INPP5D: variants seen among roughly 807,000 people sequenced by gnomAD.
INPP5D encodes the protein inositol polyphosphate-5-phosphatase D.
In INPP5D, 33 loss-of-function variants were observed where a neutral mutation model predicts 122.9. The ratio of observed to expected loss-of-function variants is 0.27; its 90% CI spans 0.20 to 0.36. The LOEUF is 0.36. Among genes scored for constraint, INPP5D ranks in the 10% least tolerant of loss-of-function variants. INPP5D has a pLI of 1.00. For missense variants in INPP5D, 1,053 were observed against 1,412.7 expected, an observed-to-expected ratio of 0.75 and a Z score of 4.08; for synonymous variants, 584 against 576.2, an observed-to-expected ratio of 1.01 and a Z score of -0.19.
In INPP5D at chr2:233,177,870, C is replaced by T. The variant is rs34408817; in HGVS notation, c.2071+524C>T. On this transcript the variant is annotated intron_variant, in intron 18 of 26. Transcript: ENST00000445964. This position sits in a 1 kb window ranked among gnomAD's most constrained non-coding sequence, Gnocchi z 4.2. The stretch of plus-strand genomic sequence containing the variant: ...GATTACAGGCATGAGCCACCGCGGC[C>T]GACCCGGAGCACTTTTTTAAAAATT... Among the ~76,000 whole-genome samples the T allele has an allele frequency of 0.02, 3,002 of 152,224 alleles. 51 individuals are homozygous for T. The highest frequency in any genetic ancestry group is 0.03 in the Non-Finnish European group (2,032 of 68,022).
intron 18 of INPP5D, among the ~76,000 whole-genome samples, chr2:233,180,990 G>A (rs978020309): frequency 2.6e-5 from 4 of 152,162 alleles, no homozygotes; most frequent in African/African-American, 7.2e-5. Context: ...CCAGTTTTTA[G>A]GCTGATGCCC....
intron 2 of INPP5D, among the ~76,000 whole-genome samples, chr2:233,087,816 A>C (rs1242344566): frequency 6.6e-6 from 1 of 152,144 alleles, no homozygotes; most frequent in Admixed American, 6.5e-5. Context: ...TGTAGTCATC[A>C]ATCTTAAATT....
chr2:233,158,175 G>C (rs760239137), intron 9 of INPP5D, 138 bp from the exon 10 acceptor site: 99 of 592,292 alleles, frequency 1.7e-4, no homozygotes, highest in African/African-American at 9.0e-4. Context: ...GAAGCAGAGG[G>C]AGCTGGGAGA....
In INPP5D at chr2:233,115,192, C is replaced by T. The variant is rs115053137; in HGVS notation, c.199-6915C>T. Among the ~76,000 whole-genome samples, 389 of 152,254 alleles carry T rather than the reference C, an allele frequency of 2.6e-3. 6 individuals are homozygous for T. Among genetic ancestry groups the T allele is most frequent in the African/African-American group, 8.4e-3 (351 of 41,554 alleles). On this transcript the variant is annotated intron_variant, in intron 2 of 26. Coordinates refer to ENST00000445964, the MANE Select transcript of INPP5D (RefSeq NM_001017915.3). ...TGTTTCCCAGTTCTTAATACTGTCCCGCCACTGGTAAAATCTCCACAATCA... is the reference window on the plus strand; with the variant it reads ...TGTTTCCCAGTTCTTAATACTGTCCTGCCACTGGTAAAATCTCCACAATCA...
In INPP5D at chr2:233,122,214, G is replaced by A. The variant is rs541057965; in HGVS notation, c.306G>A (p.Pro102=). ...GLVTHLQYPV[P]LEEEDTGDDP... ...TGACCCATCTGCAATACCCTGTGCCGCTGGAGGAAGAGGACACAGGCGACG... is the reference window on the plus strand; with the variant it reads ...TGACCCATCTGCAATACCCTGTGCCACTGGAGGAAGAGGACACAGGCGACG... Residue 102 remains proline, a synonymous_variant, in exon 3 of 27, where the codon CCG becomes CCA. Coordinates refer to ENST00000445964, the MANE Select transcript of INPP5D (RefSeq NM_001017915.3). The A allele has an allele frequency of 1.2e-4, 186 of 1,613,932 alleles. No homozygotes were observed. The highest frequency in any genetic ancestry group is 5.5e-4 in the Admixed American group (33 of 60,018).
rs1050839720 is a variant in INPP5D, at chr2:233,105,664, G to A, written c.199-16443G>A. Among the ~76,000 whole-genome samples, 4 of 152,200 alleles carry A rather than the reference G, an allele frequency of 2.6e-5. No individual in the cohort carries two copies. Among genetic ancestry groups the A allele is most frequent in the African/African-American group, 4.8e-5 (2 of 41,452 alleles). On this transcript the variant is annotated intron_variant, in intron 2 of 26. Coordinates refer to ENST00000445964, the MANE Select transcript of INPP5D (RefSeq NM_001017915.3). This position sits in a 1 kb window ranked among gnomAD's most constrained non-coding sequence, Gnocchi z 4.0. The stretch of plus-strand genomic sequence containing the variant: ...AGAGGGTAGTGACCGCAAGCGGGCC[G>A]CCTGCTGGCTGCTGCACCACCAGCT...
Position 233,105,461 on chromosome 2 carries a change from C to A in INPP5D, c.199-16646C>A, listed in dbSNP as rs1032954167. ...CCACCAGGCTGAGTCTCCCGGAGCA[C>A]CCTCCCAAGCTACTGTCCTCTCTTC... On this transcript the variant is annotated intron_variant, in intron 2 of 26. Coordinates refer to ENST00000445964, the MANE Select transcript of INPP5D (RefSeq NM_001017915.3). The surrounding 1 kb of genome is among the most constrained non-coding windows in gnomAD (Gnocchi z 4.0). 6.6e-5 allele frequency among the ~76,000 whole-genome samples: 10 copies of A among 152,172 alleles called. No individual in the cohort carries two copies. The highest frequency in any genetic ancestry group is 1.3e-4 in the Non-Finnish European group (9 of 68,030).
intron 21 of INPP5D, among the ~76,000 whole-genome samples, chr2:233,186,670 T>C (rs1276518787): frequency 7.2e-6 from 1 of 138,470 alleles, no homozygotes; most frequent in Non-Finnish European, 1.6e-5. Context: ...TTGTTTTTTT[T>C]TCTTTTTCTC....
chr2:233,142,015 G>A (rs909994756), intron 6 of INPP5D, among the ~76,000 whole-genome samples: 1,679 of 152,300 alleles, frequency 0.011, 29 homozygotes, highest in African/African-American at 0.039. Flanking sequence ...GATAAAACAG[G>A]GGCTCTGCCC....
chr2:233,086,657 G>A (rs1182853451), intron 2 of INPP5D, among the ~76,000 whole-genome samples: 2 of 121,460 alleles, frequency 1.6e-5, no homozygotes, highest in East Asian at 4.8e-4. Context: ...AAGCAACCTG[G>A]GATCTGCCCT....
intron 5 of INPP5D, among the ~76,000 whole-genome samples, chr2:233,134,874 T>G (rs2106267928): frequency 6.6e-6 from 1 of 152,324 alleles, no homozygotes; most frequent in African/African-American, 2.4e-5. Context: ...AATAAGCCCA[T>G]AGTTTTCCAA....
chr2:233,125,944 G>C, intron 4 of INPP5D, 25 bp downstream of exon 4: 1 of 1,606,738 alleles, frequency 6.2e-7, no homozygotes, highest in East Asian at 2.2e-5. Flanking sequence ...AAGTCCAGCT[G>C]GGCCTTCATC....
chr2:233,135,542 G>A (rs1305274311), intron 5 of INPP5D, among the ~76,000 whole-genome samples: 1 of 151,514 alleles, frequency 6.6e-6, no homozygotes, highest in African/African-American at 2.4e-5. Flanking sequence ...TCAACAAACA[G>A]ATTGTTACAA....
chr2:233,171,938 A>G (rs1694502150), intron 17 of INPP5D, among the ~76,000 whole-genome samples: 1 of 152,230 alleles, frequency 6.6e-6, no homozygotes, highest in South Asian at 2.1e-4. Flanking sequence ...GCAAGTTCAA[A>G]GTGTCATCTG....
intron 11 of INPP5D, 43 bp from the exon 12 acceptor site, chr2:233,163,664 G>T (rs1353288042): frequency 5.0e-6 from 8 of 1,611,746 alleles, no homozygotes; most frequent in Non-Finnish European, 6.8e-6. Context: ...GCTTTGACTC[G>T]ATGTGCCTTT....
intron 5 of INPP5D, among the ~76,000 whole-genome samples, chr2:233,134,554 T>C (rs540869985): frequency 6.6e-5 from 10 of 152,246 alleles, no homozygotes; most frequent in South Asian, 2.1e-4. Flanking sequence ...GATGTCCCCG[T>C]GCGGGTCTGG....
chr2:233,102,033 G>A (rs757439458), intron 2 of INPP5D, among the ~76,000 whole-genome samples: 2 of 151,880 alleles, frequency 1.3e-5, no homozygotes, highest in Non-Finnish European at 2.9e-5. Context: ...CACGCCCCGG[G>A]CTCTGTTAGT....
chr2:233,063,868 C>CG (rs1276404358), intron 1 of INPP5D, among the ~76,000 whole-genome samples: 2 of 152,234 alleles, frequency 1.3e-5, no homozygotes, highest in Non-Finnish European at 2.9e-5. Context: ...GGCCCTGCTC[C>CG]GGGGGGAGTC....
chr2:233,185,371 C>T (rs1014543397), intron 20 of INPP5D, among the ~76,000 whole-genome samples: 4 of 152,078 alleles, frequency 2.6e-5, no homozygotes, highest in East Asian at 3.9e-4. Context: ...AGGGTCAAAG[C>T]GGTTCGAAAA....
Sources: allele counts gnomAD v4.1 joint callset (sites outside exome capture counted in the v4.1 genomes callset), GRCh38; gene constraint gnomAD v4.1.1; non-coding constraint Gnocchi (gnomAD v3.1); transcripts MANE v1.5; gene names NCBI Gene and HGNC (gene_info 2026-07-23, HGNC 2026-07-21).